The following DNER variants were observed in gnomAD, a reference collection of about 807,000 sequenced individuals.
The protein encoded by DNER is delta and Notch-like epidermal growth factor-related receptor.
A neutral mutation model predicts 78.2 loss-of-function variants in DNER; 33 were observed. The observed-to-expected ratio is 0.42, with a 90% CI of 0.32 to 0.56. The LOEUF (loss-of-function observed/expected upper bound fraction) is 0.56. Among genes scored for constraint, DNER ranks in the 20% least tolerant of loss-of-function variants. The probability of loss-of-function intolerance (pLI) is 0.11; values close to 1 mark genes in which losing one functional copy is unlikely to be tolerated. For missense variants in DNER, 918 were observed against 975.3 expected, an observed-to-expected ratio of 0.94 and a Z score of 0.78; for synonymous variants, 417 against 384.8, an observed-to-expected ratio of 1.08 and a Z score of -0.98.
At chr2:229,490,735 C>A (rs1695381286) in intron 6 of DNER, among the ~76,000 whole-genome samples, 1 of 152,110 alleles carries the variant, frequency 6.6e-6, no homozygotes, top group African/African-American at 2.4e-5. Context: ...TGGATTGTAT[C>A]TCAATAAAGC....
At chr2:229,690,090 C>A (rs544650618) in intron 1 of DNER, among the ~76,000 whole-genome samples, 1 of 152,300 alleles carries the variant, frequency 6.6e-6, no homozygotes, top group East Asian at 1.9e-4. Context: ...AATGATCAAC[C>A]CCTAGTAGTC....
At chr2:229,706,999 A>C (rs1699837150) in intron 1 of DNER, among the ~76,000 whole-genome samples, 1 of 151,916 alleles carries the variant, frequency 6.6e-6, no homozygotes, top group African/African-American at 2.4e-5. Context: ...TCATCAGAAA[A>C]GGTGATTTTT....
intron 5 of DNER, among the ~76,000 whole-genome samples, chr2:229,532,069 A>C (rs1261697242): frequency 3.9e-5 from 6 of 152,158 alleles, no homozygotes; most frequent in Admixed American, 3.9e-4. Flanking sequence ...ATGTTTTGGA[A>C]CTAGACAGAG....
intron 9 of DNER, among the ~76,000 whole-genome samples, chr2:229,415,973 G>A (rs1009500069): frequency 3.9e-5 from 6 of 152,140 alleles, no homozygotes; most frequent in African/African-American, 7.2e-5. Context: ...CTCAAATTGT[G>A]TATCATCTCC....
intron 8 of DNER, among the ~76,000 whole-genome samples, chr2:229,446,886 GT>G (rs1694353077): frequency 6.6e-6 from 1 of 152,184 alleles, no homozygotes; most frequent in Non-Finnish European, 1.5e-5. Flanking sequence ...TTTCATGCAC[GT>G]TAAGATGAAA....
chr2:229,516,800 A>AGAAAG (rs1429832663), intron 5 of DNER, among the ~76,000 whole-genome samples: 116 of 131,262 alleles, frequency 8.8e-4, no homozygotes, highest in African/African-American at 2.7e-3. Context: ...AAAAAAAAAA[A>AGAAAG]AAAAGAAAAG....
chr2:229,616,098 A>T (rs990370939), intron 1 of DNER, among the ~76,000 whole-genome samples: 7 of 152,276 alleles, frequency 4.6e-5, no homozygotes, highest in Non-Finnish European at 8.8e-5. Flanking sequence ...TGATAAACTT[A>T]AATTAATATA....
intron 1 of DNER, among the ~76,000 whole-genome samples, chr2:229,619,728 G>A (rs1452395487): frequency 6.6e-6 from 1 of 152,152 alleles, no homozygotes; most frequent in Non-Finnish European, 1.5e-5. Context: ...TCAGGTATCT[G>A]GGAAACTCAT....
intron 1 of DNER, among the ~76,000 whole-genome samples, chr2:229,614,676 A>T (rs535875896): frequency 6.6e-6 from 1 of 152,220 alleles, no homozygotes; most frequent in East Asian, 1.9e-4. Context: ...CAGAGCTATG[A>T]ACCCGGGCAT....
At position 229,448,196 on chromosome 2, in the gene DNER, AT is replaced by A. The variant is rs1256154101; in HGVS notation, c.1262-657del. Among the ~76,000 whole-genome samples, 4 of 152,208 alleles carry A rather than the reference AT, an allele frequency of 2.6e-5. No homozygotes were observed. In the East Asian group the frequency reaches 5.8e-4, roughly 22 times the overall value. The stretch of plus-strand genomic sequence containing the variant: ...ATACCACTCAGCAATAAAAAAAAAA[AT>A]AAGTACTGACACATCGTATGACATG... On this transcript the variant is annotated intron_variant, in intron 7 of 12. Transcript: ENST00000341772.
intron 1 of DNER, among the ~76,000 whole-genome samples, chr2:229,694,200 C>T (rs192518893): frequency 2.9e-4 from 44 of 152,360 alleles, no homozygotes; most frequent in African/African-American, 9.9e-4. Context: ...GGTTTGGGAA[C>T]CTCCACCTAC....
chr2:229,376,868 C>T (rs207654), intron 11 of DNER, among the ~76,000 whole-genome samples: 123,611 of 152,198 alleles, frequency 0.81, 50,703 homozygotes, highest in East Asian at 0.94. Flanking sequence ...TTGGTTTATA[C>T]AAAAATGAGA....
chr2:229,467,298 T>C lies in DNER; in HGVS notation c.1261+9842A>G, dbSNP rs529471738. On this transcript the variant is annotated intron_variant, in intron 7 of 12. Coordinates refer to ENST00000341772, the MANE Select transcript of DNER (RefSeq NM_139072.4). The stretch of plus-strand genomic sequence containing the variant: ...GGGCTAAATGAACTGAGGAGAGGCG[T>C]CAGTATCTATCTTCAGCTGCCTTTT... Among the ~76,000 whole-genome samples the C allele has an allele frequency of 1.1e-4, 16 of 152,270 alleles. No homozygotes were observed. In the South Asian group the frequency reaches 2.5e-3, roughly 24 times the overall value.
intron 4 of DNER, among the ~76,000 whole-genome samples, chr2:229,559,552 G>A (rs764828752): frequency 2.6e-5 from 4 of 152,034 alleles, no homozygotes; most frequent in Non-Finnish European, 5.9e-5. Flanking sequence ...GGAGACTTTG[G>A]TCTACCAGAA....
chr2:229,659,663 G>A (rs1237641321), intron 1 of DNER, among the ~76,000 whole-genome samples: 1 of 152,036 alleles, frequency 6.6e-6, no homozygotes, highest in African/African-American at 2.4e-5. Context: ...TGTCCAATTT[G>A]ATGATGTTCA....
intron 1 of DNER, among the ~76,000 whole-genome samples, chr2:229,658,077 G>A (rs900540847): frequency 7.2e-5 from 11 of 152,322 alleles, no homozygotes; most frequent in Admixed American, 2.0e-4. Flanking sequence ...CAGCTCGTCA[G>A]TCTAAGATAA....
intron 7 of DNER, among the ~76,000 whole-genome samples, chr2:229,471,312 G>A (rs974933153): frequency 1.3e-5 from 2 of 151,390 alleles, no homozygotes; most frequent in Admixed American, 6.6e-5. Flanking sequence ...ATTTGAGTTC[G>A]ACAAAAGGAT....
chr2:229,399,391 T>C (rs987367989), intron 10 of DNER, among the ~76,000 whole-genome samples: 3 of 151,628 alleles, frequency 2.0e-5, no homozygotes, highest in African/African-American at 7.3e-5. Context: ...ATGAAAGAAA[T>C]CAAAGATCTA....
chr2:229,643,481 G>T (rs1015240979), intron 1 of DNER, among the ~76,000 whole-genome samples: 1 of 152,210 alleles, frequency 6.6e-6, no homozygotes, highest in African/African-American at 2.4e-5. Flanking sequence ...AACTGGGAGA[G>T]GAAGCTGCAT....
Sources: allele counts gnomAD v4.1 joint callset (sites outside exome capture counted in the v4.1 genomes callset), GRCh38; gene constraint gnomAD v4.1.1; transcripts MANE v1.5; gene names NCBI Gene and HGNC (gene_info 2026-07-23, HGNC 2026-07-21).